TSNARE1: variants seen among roughly 807,000 people sequenced by gnomAD.
The protein encoded by TSNARE1 is t-SNARE domain containing 1.
In TSNARE1, 49 loss-of-function variants were observed where a neutral mutation model predicts 62.0. That is an observed-to-expected ratio of 0.79 (90% CI 0.63 to 1.00). TSNARE1 has a LOEUF of 1.00. Ranked by LOEUF, TSNARE1 falls within the 50% of genes least tolerant of loss-of-function variation. TSNARE1 has a pLI of 0.00. For synonymous variants in TSNARE1, 328 were observed against 294.4 expected (o/e 1.11, Z -1.17); for missense variants, 755 against 700.1 (o/e 1.08, Z -0.88).
At position 142,291,340 on chromosome 8, in the gene TSNARE1, G is replaced by A. The variant is rs537226734; in HGVS notation, c.1291-6855C>T. 2.3e-4 allele frequency among the ~76,000 whole-genome samples: 35 copies of A among 152,226 alleles called. No individual in the cohort carries two copies. Among genetic ancestry groups the A allele is most frequent in the Admixed American group, 1.8e-3 (28 of 15,304 alleles). On this transcript the variant is annotated intron_variant, in intron 10 of 13. Transcript: ENST00000524325. This position sits in a 1 kb window ranked among gnomAD's most constrained non-coding sequence, Gnocchi z 4.8. Reference sequence around the variant, plus strand: ...GTGAGCTGTGTGACCCTGGGCAAGCGATGGGCCTGCTCCAAGCCACCGTCA... The same window carrying A: ...GTGAGCTGTGTGACCCTGGGCAAGCAATGGGCCTGCTCCAAGCCACCGTCA...
chr8:142,385,038 G>T (rs184211486), intron 1 of TSNARE1, among the ~76,000 whole-genome samples: 70 of 151,896 alleles, frequency 4.6e-4, no homozygotes, highest in African/African-American at 1.4e-3. Context: ...CAAGAAAAGC[G>T]AATTAAATGA....
At chr8:142,335,717 G>A (rs768869158) in intron 4 of TSNARE1, among the ~76,000 whole-genome samples, 6 of 152,208 alleles carry the variant, frequency 3.9e-5, no homozygotes, top group Non-Finnish European at 5.9e-5. Flanking sequence ...AATGATGCAT[G>A]AGCCGAAGAC....
At chr8:142,270,863 T>C (rs1819465806) in intron 12 of TSNARE1, 2 of 985,364 alleles carry the variant, frequency 2.0e-6, no homozygotes, top group African/African-American at 3.5e-5. Flanking sequence ...GTCGGCTCTC[T>C]GCAGCCTTTC....
intron 1 of TSNARE1, among the ~76,000 whole-genome samples, chr8:142,397,623 A>C (rs1454679252): frequency 1.3e-5 from 2 of 152,138 alleles, no homozygotes; most frequent in African/African-American, 4.8e-5. Flanking sequence ...GAAGAAAACA[A>C]CAGTTGATCT....
chr8:142,395,673 C>G (rs151219017), intron 1 of TSNARE1, among the ~76,000 whole-genome samples: 12 of 152,340 alleles, frequency 7.9e-5, no homozygotes, highest in African/African-American at 2.6e-4. Context: ...CACGAAGCAG[C>G]AGAAGCAACG....
At chr8:142,395,126 G>C (rs1218225817) in intron 1 of TSNARE1, among the ~76,000 whole-genome samples, 1 of 152,126 alleles carries the variant, frequency 6.6e-6, no homozygotes, top group East Asian at 1.9e-4. Flanking sequence ...CGGCCTAAAG[G>C]TGAGGCTCAG....
In TSNARE1 at chr8:142,274,838, A is replaced by G; in HGVS notation, c.1389T>C (p.Ala463=). ...AVDSIEASLE[A]ASSHAEAARQ... ...GGGCTGCCTCCGCATGCGAGGACGC[A>G]GCCTCAAGGCTGGCTTCAATACTAT... Residue 463 remains alanine (A), a synonymous_variant, in exon 12 of 14, where the codon GCT becomes GCC. Transcript: ENST00000524325. 6.3e-7 allele frequency: 1 copy of G among 1,580,036 alleles called. No individual in the cohort carries two copies. Among genetic ancestry groups the G allele is most frequent in the Non-Finnish European group, 8.6e-7 (1 of 1,163,776 alleles).
intron 4 of TSNARE1, among the ~76,000 whole-genome samples, chr8:142,341,226 T>C (rs563507652): frequency 5.1e-4 from 77 of 152,198 alleles, no homozygotes; most frequent in African/African-American, 1.5e-3. Context: ...GACAAGGACA[T>C]TGAGAGTGCC....
At chr8:142,354,793 A>G in intron 1 of TSNARE1, 30 bp from the exon 2 acceptor site, 1 of 1,332,242 alleles carries the variant, frequency 7.5e-7, no homozygotes. Flanking sequence ...CAGGGGGAAG[A>G]GGGGGAAGAC....
chr8:142,233,116 G>T (rs902109142), intron 12 of TSNARE1, among the ~76,000 whole-genome samples: 2 of 152,188 alleles, frequency 1.3e-5, no homozygotes, highest in East Asian at 1.9e-4. Flanking sequence ...GACCTTTCTG[G>T]CTCCCCAGTG....
chr8:142,287,863 T>C (rs1823025855), intron 10 of TSNARE1, among the ~76,000 whole-genome samples: 1 of 150,774 alleles, frequency 6.6e-6, no homozygotes, highest in Non-Finnish European at 1.5e-5. Flanking sequence ...CTCCAGGTCG[T>C]GGAACCCAGG....
chr8:142,259,676 C>G (rs560992239), intron 12 of TSNARE1, among the ~76,000 whole-genome samples: 1 of 152,316 alleles, frequency 6.6e-6, no homozygotes, highest in South Asian at 2.1e-4. Context: ...AGGCCCACGT[C>G]CCCCACAAGC....
At chr8:142,256,097 G>C (rs1225620354) in intron 12 of TSNARE1, among the ~76,000 whole-genome samples, 51 of 21,162 alleles carry the variant, frequency 2.4e-3, no homozygotes, top group East Asian at 4.9e-3. Context: ...ACCACTGTCA[G>C]CATCACCACC....
At chr8:142,389,202 A>G (rs978800994) in intron 1 of TSNARE1, among the ~76,000 whole-genome samples, 12 of 152,248 alleles carry the variant, frequency 7.9e-5, no homozygotes, top group Non-Finnish European at 1.8e-4. Context: ...CTCTAGATAC[A>G]GAAGAATAAC....
intron 1 of TSNARE1, among the ~76,000 whole-genome samples, chr8:142,374,362 G>C (rs1311558938): frequency 6.6e-6 from 1 of 152,006 alleles, no homozygotes; most frequent in Non-Finnish European, 1.5e-5. Context: ...TGGGGACTTG[G>C]CTTCCAGGCA....
intron 8 of TSNARE1, 60 bp downstream of exon 8, chr8:142,314,943 G>A (rs895128064): frequency 2.2e-5 from 33 of 1,531,936 alleles, no homozygotes; most frequent in African/African-American, 4.1e-5. Flanking sequence ...ACAGTGCTCC[G>A]GGAACCGAGG....
intron 6 of TSNARE1, among the ~76,000 whole-genome samples, chr8:142,323,484 C>T (rs1829783417): frequency 6.6e-6 from 1 of 152,224 alleles, no homozygotes; most frequent in Non-Finnish European, 1.5e-5. Flanking sequence ...TAAAGACGCA[C>T]TTTTAGGCAG....
At chr8:142,371,928 G>C (rs1835945600) in intron 1 of TSNARE1, among the ~76,000 whole-genome samples, 1 of 152,212 alleles carries the variant, frequency 6.6e-6, no homozygotes, top group South Asian at 2.1e-4. Context: ...ATGGGGCAGA[G>C]CTGGGTAGCT....
At chr8:142,378,983 GC>G (rs1346253241) in intron 1 of TSNARE1, among the ~76,000 whole-genome samples, 4 of 152,128 alleles carry the variant, frequency 2.6e-5, no homozygotes, top group Admixed American at 2.0e-4. Flanking sequence ...TGGTCGCCAA[GC>G]TCACAGGGCA....
Sources: gnomAD v4.1 joint callset for allele counts (sites outside exome capture counted in the v4.1 genomes callset) on GRCh38, gnomAD v4.1.1 for gene constraint, Gnocchi (gnomAD v3.1) non-coding constraint, MANE v1.5 for transcripts, NCBI Gene and HGNC (gene_info 2026-07-23, HGNC 2026-07-21) for gene names.